CCT6B: variants seen among roughly 807,000 people sequenced by gnomAD.
The protein encoded by CCT6B is chaperonin containing TCP1 subunit 6B.
A neutral mutation model predicts 61.5 loss-of-function variants in CCT6B; 49 were observed. The observed-to-expected ratio is 0.80, with a 90% CI of 0.63 to 1.01. CCT6B has a LOEUF of 1.01. Among genes scored for constraint, CCT6B ranks in the 50% least tolerant of loss-of-function variants. CCT6B has a pLI of 0.00. For missense variants in CCT6B, 666 were observed against 634.7 expected (o/e 1.05, Z -0.53); for synonymous variants, 228 against 214.5 (o/e 1.06, Z -0.55).
chr17:34,935,739 C>G (rs1201259768), intron 10 of CCT6B, among the ~76,000 whole-genome samples: 1 of 152,022 alleles, frequency 6.6e-6, no homozygotes, highest in East Asian at 1.9e-4. Context: ...TGCCTGTAAT[C>G]CCACCTACTC....
chr17:34,942,537 T>C lies in CCT6B; in HGVS notation c.832A>G (p.Lys278Glu). The change falls in exon 7 of 14, where the codon AAG (lysine) becomes GAG (glutamate). Residue 278 changes from lysine (K) to glutamate (E), a missense_variant. Physicochemically the swap from Lys to Glu is moderately conservative, Grantham distance 56. Coordinates refer to ENST00000314144, the MANE Select transcript of CCT6B (RefSeq NM_006584.4). Reference sequence around the variant, plus strand: ...TTTGACTGAGCACAGACTTTGTCCTTCAGGTCTATTATTTTTTGTACTCTA... The same window carrying C: ...TTTGACTGAGCACAGACTTTGTCCTCCAGGTCTATTATTTTTTGTACTCTA... Reference protein sequence around the residue: ...EDRVQKIIDLKDKVCAQSNKG... With the variant: ...EDRVQKIIDLEDKVCAQSNKG... 1.2e-6 allele frequency: 2 copies of C among 1,605,046 alleles called. No individual in the cohort carries two copies. Among genetic ancestry groups the C allele is most frequent in the Non-Finnish European group, 1.7e-6 (2 of 1,177,610 alleles).
At chr17:34,928,173 T>C (rs917150182) in intron 13 of CCT6B, 56 bp from the exon 14 acceptor site, 2 of 1,117,874 alleles carry the variant, frequency 1.8e-6, no homozygotes, top group East Asian at 2.5e-5. Flanking sequence ...TTAGCTTTTT[T>C]CCCCAGCAAT....
rs1426846144 is a variant in CCT6B at position 34,940,611 on chromosome 17, G to T, written c.896C>A (p.Pro299Gln). 2.0e-6 allele frequency: 3 copies of T among 1,513,484 alleles called. No homozygotes were observed. The highest frequency in any genetic ancestry group is 1.2e-5 in the South Asian group (1 of 83,898). 93.8% of individuals were successfully genotyped at this position (1,513,484 alleles called of 1,614,324 possible). ...TTTTGCAAGAGAATCTAAGGAAAAT[G>T]GATCAATTCCCTATAATCAAATTAA... ...FVVINQKGID[P>Q]FSLDSLAKHG... Residue 299 changes from proline to glutamine, a missense_variant, in exon 8 of 14, where the codon CCA (proline) becomes CAA (glutamine). Transcript: ENST00000314144.
chr17:34,928,217 A>T (rs550163323), intron 13 of CCT6B, 100 bp from the exon 14 acceptor site: 1 of 634,396 alleles, frequency 1.6e-6, no homozygotes, highest in South Asian at 2.2e-5. Flanking sequence ...TTCTTTAATG[A>T]TGTTAGTATG....
intron 5 of CCT6B, among the ~76,000 whole-genome samples, chr17:34,947,578 G>A (rs1385789268): frequency 6.6e-6 from 1 of 152,114 alleles, no homozygotes; most frequent in Non-Finnish European, 1.5e-5. Context: ...GCATTTTCAG[G>A]CAAAGAAAAA....
chr17:34,931,502 G>A (rs1002552564), intron 11 of CCT6B, among the ~76,000 whole-genome samples: 6 of 152,072 alleles, frequency 3.9e-5, no homozygotes, highest in African/African-American at 1.4e-4. Context: ...GGAGAGTCAC[G>A]ACCTGTGGTA....
intron 3 of CCT6B, among the ~76,000 whole-genome samples, chr17:34,955,746 A>T (rs879866575): frequency 4.6e-5 from 7 of 152,198 alleles, no homozygotes; most frequent in Non-Finnish European, 7.3e-5. Flanking sequence ...TGTGCTGGAC[A>T]TGACTAAGAG....
At chr17:34,958,746 G>C (rs756100722) in intron 2 of CCT6B, 52 bp from the exon 3 acceptor site, 9 of 1,463,630 alleles carry the variant, frequency 6.1e-6, no homozygotes, top group Non-Finnish European at 7.3e-6. Flanking sequence ...TAAGGAAGTA[G>C]GTCACCAAAA....
intron 3 of CCT6B, among the ~76,000 whole-genome samples, chr17:34,956,103 G>A (rs893049055): frequency 2.6e-5 from 4 of 152,154 alleles, no homozygotes; most frequent in Admixed American, 1.3e-4. Context: ...TGTTTGGTCT[G>A]TAATACCACT....
intron 4 of CCT6B, among the ~76,000 whole-genome samples, chr17:34,953,318 A>AATATATATATATATATAT (rs757786280): frequency 1.4e-5 from 2 of 141,118 alleles, no homozygotes; most frequent in Non-Finnish European, 3.1e-5. Flanking sequence ...CTTTATATAA[A>AATATATATATATATATAT]ATATATATAT....
At chr17:34,939,520 A>G in intron 9 of CCT6B, 97 bp downstream of exon 9, 1 of 910,352 alleles carries the variant, frequency 1.1e-6, no homozygotes, top group East Asian at 2.6e-5. Context: ...ATTAGATCTC[A>G]AAACACAAAA....
At position 34,942,515 on chromosome 17, in the gene CCT6B, G is replaced by C. The variant is rs200394840; in HGVS notation, c.854C>G (p.Ser285Ter). The change falls in exon 7 of 14, where the codon TCA becomes TGA. Residue 285 changes from serine to a stop codon, truncating the protein, a stop_gained. Transcript: ENST00000314144. LOFTEE classifies it high-confidence loss of function. ...ATTAATGACGACAAATCCTTTATTTGACTGAGCACAGACTTTGTCCTTCAG... is the reference window on the plus strand; with the variant it reads ...ATTAATGACGACAAATCCTTTATTTCACTGAGCACAGACTTTGTCCTTCAG... Reference protein sequence around the residue: ...IDLKDKVCAQSNKGFVVINQK... With the variant: ...IDLKDKVCAQ The C allele has an allele frequency of 3.8e-6, 6 of 1,591,864 alleles. No homozygotes were observed. In the African/African-American group the frequency reaches 8.2e-5, roughly 22 times the overall value.
chr17:34,947,880 G>C (rs2090242735), intron 5 of CCT6B, among the ~76,000 whole-genome samples: 1 of 151,682 alleles, frequency 6.6e-6, no homozygotes, highest in East Asian at 1.9e-4. Context: ...TACTCGGAAG[G>C]CTGAGGGAAT....
intron 4 of CCT6B, 81 bp downstream of exon 4, chr17:34,954,345 C>A (rs1274240262): frequency 3.6e-6 from 4 of 1,104,500 alleles, no homozygotes; most frequent in Non-Finnish European, 5.1e-6. Context: ...ACATGAAATA[C>A]TTGATTATCT....
chr17:34,940,140 AT>A (rs1183541061), intron 8 of CCT6B, among the ~76,000 whole-genome samples: 1 of 152,092 alleles, frequency 6.6e-6, no homozygotes, highest in Non-Finnish European at 1.5e-5. Flanking sequence ...ACTAACTGAA[AT>A]TTTGTATCCT....
intron 5 of CCT6B, among the ~76,000 whole-genome samples, chr17:34,948,329 T>A (rs2090248533): frequency 6.6e-6 from 1 of 152,190 alleles, no homozygotes; most frequent in Non-Finnish European, 1.5e-5. Flanking sequence ...GATTTAATAT[T>A]TTAATCTACC....
chr17:34,953,886 G>A (rs1321184466), intron 4 of CCT6B, among the ~76,000 whole-genome samples: 2 of 152,032 alleles, frequency 1.3e-5, no homozygotes, highest in Non-Finnish European at 2.9e-5. Context: ...CCTGGGAGAC[G>A]GGGGTTGCAG....
intron 1 of CCT6B, among the ~76,000 whole-genome samples, chr17:34,960,467 T>A (rs1288008812): frequency 1.3e-5 from 2 of 152,252 alleles, no homozygotes; most frequent in Non-Finnish European, 2.9e-5. Context: ...CTTTCAAGAC[T>A]GATCAAACAT....
rs916547946 is a variant in CCT6B at position 34,928,016 on chromosome 17, T to C, written c.*32A>G. 10 of 1,535,950 alleles carry C rather than the reference T, an allele frequency of 6.5e-6. No homozygotes were observed. The highest frequency in any genetic ancestry group is 1.7e-5 in the Admixed American group (1 of 57,266). Reference sequence around the variant, plus strand: ...CAGATGTAAAGTGTACTAAATTTCATCTTCTAGAAGGGTTGATTTTGAATT... The same window carrying C: ...CAGATGTAAAGTGTACTAAATTTCACCTTCTAGAAGGGTTGATTTTGAATT... On this transcript the variant is annotated 3_prime_UTR_variant, in exon 14 of 14. Transcript: ENST00000314144.
Sources: allele counts gnomAD v4.1 joint callset (sites outside exome capture counted in the v4.1 genomes callset), GRCh38; gene constraint gnomAD v4.1.1; transcripts MANE v1.5; gene names NCBI Gene and HGNC (gene_info 2026-07-23, HGNC 2026-07-21).